Variants in PIK3C2G observed in about 807,000 individuals in gnomAD.
The protein encoded by PIK3C2G is phosphatidylinositol 3-kinase C2 domain-containing subunit gamma.
PIK3C2G carries 168 observed loss-of-function variants against 181.1 expected under a neutral mutation model. The observed-to-expected ratio is 0.93, with a 90% CI of 0.82 to 1.05. The LOEUF (loss-of-function observed/expected upper bound fraction) is 1.05. Among genes scored for constraint, PIK3C2G ranks in the 50% least tolerant of loss-of-function variants. The probability of loss-of-function intolerance (pLI) is 0.00; values close to 1 mark genes in which losing one functional copy is unlikely to be tolerated. For synonymous variants in PIK3C2G, 573 were observed against 592.2 expected (o/e 0.97, Z 0.47); for missense variants, 1,869 against 1,732.8 (o/e 1.08, Z -1.40).
chr12:18,648,679 G>T (rs572052819), downstream of PIK3C2G, among the ~76,000 whole-genome samples: 1 of 152,112 alleles, frequency 6.6e-6, no homozygotes, highest in South Asian at 2.1e-4. Flanking sequence ...ACTTGGTTAT[G>T]CCTGGACTCC....
At chr12:18,685,282 C>A in the PIK3C2G span, among the ~76,000 whole-genome samples, 2 of 151,940 alleles carry the variant, frequency 1.3e-5, no homozygotes, top group Non-Finnish European at 2.9e-5. Flanking sequence ...TTCTGCCAAG[C>A]AAGAAATCCA....
intron 5 of PIK3C2G, among the ~76,000 whole-genome samples, chr12:18,304,606 T>G (rs1950342843): frequency 6.6e-6 from 1 of 152,218 alleles, no homozygotes; most frequent in African/African-American, 2.4e-5. Context: ...ATTGAAATAG[T>G]CTTGTACTCA....
rs1433506041 is a variant in PIK3C2G at position 18,496,191 on chromosome 12, A to T, written c.2886+37A>T. The T allele has an allele frequency of 5.2e-6, 6 of 1,150,726 alleles. No homozygotes were observed. The South Asian group carries it at 7.2e-5, about 14-fold the overall frequency. 71.3% of individuals were successfully genotyped at this position (1,150,726 alleles called of 1,614,324 possible). On this transcript the variant is annotated intron_variant, in intron 21 of 32. Transcript: ENST00000538779. ...CTCTTAAAACATGAATTGATTCCAT[A>T]CACAGAACTATCGATTTATTACTCA...
intron 30 of PIK3C2G, among the ~76,000 whole-genome samples, chr12:18,607,005 C>T (rs1948062966): frequency 6.6e-6 from 1 of 151,784 alleles, no homozygotes; most frequent in African/African-American, 2.4e-5. Context: ...TTGGCTTTGC[C>T]CCTTGGGGAT....
chr12:18,696,411 A>G, the PIK3C2G span: 1 of 210,658 alleles, frequency 4.7e-6, no homozygotes, highest in Non-Finnish European at 8.4e-6. Context: ...AAAAATTTGC[A>G]ATTCATGAAT....
At chr12:18,518,865 T>C (rs1483178381) in intron 24 of PIK3C2G, among the ~76,000 whole-genome samples, 5 of 152,208 alleles carry the variant, frequency 3.3e-5, no homozygotes, top group Admixed American at 2.6e-4. Context: ...CTGATGTGGA[T>C]ATTTAGTGCT....
intron 24 of PIK3C2G, among the ~76,000 whole-genome samples, chr12:18,519,816 A>G (rs942753377): frequency 7.2e-5 from 11 of 151,906 alleles, no homozygotes; most frequent in African/African-American, 2.7e-4. Flanking sequence ...CAGTGTCATT[A>G]GTCTTTATAT....
chr12:18,436,409 C>G (rs1448864428), intron 18 of PIK3C2G, among the ~76,000 whole-genome samples: 1 of 152,052 alleles, frequency 6.6e-6, no homozygotes. Context: ...GAATTTATCT[C>G]TAAACTGGTC....
At chr12:18,668,188 G>T in the PIK3C2G span, among the ~76,000 whole-genome samples, 7 of 152,118 alleles carry the variant, frequency 4.6e-5, no homozygotes, top group Non-Finnish European at 1.0e-4. Context: ...AAAAAGTCCA[G>T]TCATACTTTC....
the PIK3C2G span, among the ~76,000 whole-genome samples, chr12:18,677,193 G>C: frequency 6.6e-6 from 1 of 152,086 alleles, no homozygotes; most frequent in Non-Finnish European, 1.5e-5. Flanking sequence ...TGGTCAGGCT[G>C]CTTGCCACAA....
chr12:18,608,919 G>C (rs1269292220), intron 30 of PIK3C2G, among the ~76,000 whole-genome samples: 1 of 152,028 alleles, frequency 6.6e-6, no homozygotes, highest in Admixed American at 6.6e-5. Flanking sequence ...TGGGAGGAGT[G>C]AATGAATGTC....
At chr12:18,361,533 GA>G (rs35694150) in intron 11 of PIK3C2G, among the ~76,000 whole-genome samples, 49 of 146,288 alleles carry the variant, frequency 3.3e-4, no homozygotes, top group South Asian at 8.7e-4. Flanking sequence ...GCTTCCCACT[GA>G]AAAAAAAAAA....
the PIK3C2G span, among the ~76,000 whole-genome samples, chr12:18,721,118 TTTAA>T: frequency 6.6e-6 from 1 of 152,110 alleles, no homozygotes; most frequent in Non-Finnish European, 1.5e-5. Context: ...TTTTTCCCTG[TTTAA>T]TTAGCAGTAA....
chr12:18,587,348 C>T (rs1033621861), intron 29 of PIK3C2G, among the ~76,000 whole-genome samples: 6 of 152,096 alleles, frequency 3.9e-5, no homozygotes. Context: ...TAACAGACAA[C>T]TTCAGCAAAG....
At chr12:18,400,408 C>T (rs1944181384) in intron 16 of PIK3C2G, among the ~76,000 whole-genome samples, 1 of 152,156 alleles carries the variant, frequency 6.6e-6, no homozygotes, top group Non-Finnish European at 1.5e-5. Context: ...TGGCTCTGGT[C>T]CAGGAGAAAC....
the PIK3C2G span, among the ~76,000 whole-genome samples, chr12:18,709,998 G>A: frequency 2.6e-4 from 40 of 151,674 alleles, no homozygotes; most frequent in Admixed American, 1.3e-3. Flanking sequence ...TAAATATGTC[G>A]ATTTTGTGTT....
chr12:18,306,857 T>C (rs552565080), intron 5 of PIK3C2G, among the ~76,000 whole-genome samples: 2 of 152,022 alleles, frequency 1.3e-5, no homozygotes, highest in South Asian at 2.1e-4. Context: ...CAAAATCAAA[T>C]AGAAATCGTT....
Position 18,414,073 on chromosome 12 carries a change from C to A in PIK3C2G, c.2316-6868C>A, listed in dbSNP as rs573571116. The stretch of plus-strand genomic sequence containing the variant: ...TCAGGAGCCCTTTTTGAAAAGGTAT[C>A]AAGTTAAGCATAAATTCTCCAGAGG... On this transcript the variant is annotated intron_variant, in intron 16 of 32. Transcript: ENST00000538779. Among the ~76,000 whole-genome samples the A allele has an allele frequency of 2.2e-4, 34 of 152,222 alleles. 1 individual carries two copies. The highest frequency in any genetic ancestry group is 7.9e-4 in the African/African-American group (33 of 41,570).
At chr12:18,269,435 G>T (rs1948651389) in intron 1 of PIK3C2G, among the ~76,000 whole-genome samples, 1 of 152,060 alleles carries the variant, frequency 6.6e-6, no homozygotes, top group South Asian at 2.1e-4. Flanking sequence ...TGGGCAGAGG[G>T]CAGTAATGAA....
Sources: gnomAD v4.1 joint callset for allele counts (sites outside exome capture counted in the v4.1 genomes callset) on GRCh38, gnomAD v4.1.1 for gene constraint, MANE v1.5 for transcripts, NCBI Gene and HGNC (gene_info 2026-07-23, HGNC 2026-07-21) for gene names.